The following WWOX variants were observed in gnomAD, a reference collection of about 807,000 sequenced individuals.
WWOX encodes the protein WW domain-containing oxidoreductase.
Under a neutral mutation model 46.2 loss-of-function variants are expected in WWOX, and 69 were observed. The ratio of observed to expected loss-of-function variants is 1.49; its 90% confidence interval spans 1.23 to 1.82. The LOEUF (loss-of-function observed/expected upper bound fraction) is 1.82. Ranked by LOEUF, WWOX falls within the 40% of genes most tolerant of loss-of-function variation. WWOX has a pLI of 0.00. For missense variants in WWOX, 919 were observed against 542.6 expected (o/e 1.69, Z -6.89); for synonymous variants, 359 against 202.6 (o/e 1.77, Z -6.56).
At chr16:78,577,094 G>GA (rs1242271043) in intron 8 of WWOX, among the ~76,000 whole-genome samples, 1 of 152,164 alleles carries the variant, frequency 6.6e-6, no homozygotes, top group South Asian at 2.1e-4. Context: ...ATGAATTGGG[G>GA]AACATTCTTC....
At chr16:78,556,747 G>T (rs918385086) in intron 8 of WWOX, among the ~76,000 whole-genome samples, 11 of 151,946 alleles carry the variant, frequency 7.2e-5, no homozygotes, top group African/African-American at 2.7e-4. Flanking sequence ...ATGGACTTTC[G>T]CTTTTTTGCC....
chr16:78,109,698 G>A (rs1477389507), intron 2 of WWOX, 80 bp from the exon 3 acceptor site: 7 of 1,473,852 alleles, frequency 4.7e-6, no homozygotes, highest in Admixed American at 1.7e-5. Context: ...GCGGGGCTGG[G>A]AGGGCTCCTT....
At chr16:78,507,043 C>T (rs2085226150) in intron 8 of WWOX, among the ~76,000 whole-genome samples, 1 of 152,154 alleles carries the variant, frequency 6.6e-6, no homozygotes, top group African/African-American at 2.4e-5. Context: ...GTGCTGTTGT[C>T]ATAAACCCTG....
chr16:78,940,930 A>C (rs182514976), intron 8 of WWOX, among the ~76,000 whole-genome samples: 1 of 151,712 alleles, frequency 6.6e-6, no homozygotes, highest in African/African-American at 2.4e-5. Flanking sequence ...GATCCCAAGG[A>C]ATTTTCTTCT....
At chr16:78,630,987 T>G (rs2046415352) in intron 8 of WWOX, among the ~76,000 whole-genome samples, 1 of 152,212 alleles carries the variant, frequency 6.6e-6, no homozygotes, top group Non-Finnish European at 1.5e-5. Context: ...TGCTTTTTTT[T>G]GTCATTATTC....
At chr16:78,305,321 A>G (rs2080113554) in intron 5 of WWOX, among the ~76,000 whole-genome samples, 1 of 152,126 alleles carries the variant, frequency 6.6e-6, no homozygotes, top group South Asian at 2.1e-4. Context: ...AGCAAATGCC[A>G]AGTGAGCTGG....
At chr16:78,597,875 G>A (rs990731192) in intron 8 of WWOX, among the ~76,000 whole-genome samples, 6 of 148,886 alleles carry the variant, frequency 4.0e-5, no homozygotes, top group South Asian at 2.1e-4. Flanking sequence ...TATTCCCCTC[G>A]TCAGCATACT....
chr16:78,620,524 G>T (rs151056892), intron 8 of WWOX, among the ~76,000 whole-genome samples: 1 of 152,264 alleles, frequency 6.6e-6, no homozygotes, highest in African/African-American at 2.4e-5. Flanking sequence ...CTCCAGACTA[G>T]ACACTAGATA....
In WWOX at chr16:79,032,233, TATAG is replaced by T. The variant is rs1282434790; in HGVS notation, c.1057-179373_1057-179370del. 2.7e-5 allele frequency among the ~76,000 whole-genome samples: 4 copies of T among 146,374 alleles called. No individual in the cohort carries two copies. The East Asian group carries it at 7.8e-4, about 29-fold the overall frequency. On this transcript the variant is annotated intron_variant, in intron 8 of 8. Coordinates refer to ENST00000566780, the MANE Select transcript of WWOX (RefSeq NM_016373.4). ...ATATACACATATGTATATATGTATGTATAGAGAGTCTATTATATATATTACATAT... is the reference window on the plus strand; with the variant it reads ...ATATACACATATGTATATATGTATGTAGAGTCTATTATATATATTACATAT...
At chr16:79,100,511 A>G (rs2049170288) in intron 8 of WWOX, among the ~76,000 whole-genome samples, 1 of 152,116 alleles carries the variant, frequency 6.6e-6, no homozygotes, top group Admixed American at 6.6e-5. Flanking sequence ...GAAGTAGAAC[A>G]AGACCTCTGA....
intron 8 of WWOX, among the ~76,000 whole-genome samples, chr16:78,560,643 T>C (rs1168435390): frequency 1.3e-5 from 2 of 152,096 alleles, no homozygotes; most frequent in Admixed American, 6.5e-5. Flanking sequence ...AAACTCTGTC[T>C]CAAAAAAATT....
intron 8 of WWOX, among the ~76,000 whole-genome samples, chr16:78,732,595 A>G (rs769773693): frequency 7.2e-5 from 11 of 152,208 alleles, no homozygotes; most frequent in Non-Finnish European, 1.5e-4. Context: ...AGATGTGGTA[A>G]CTGGGCTATG....
chr16:78,812,179 T>A (rs1203194855), intron 8 of WWOX, among the ~76,000 whole-genome samples: 1 of 151,960 alleles, frequency 6.6e-6, no homozygotes, highest in Non-Finnish European at 1.5e-5. Context: ...GTGTCCTAAC[T>A]TGGCACTGTA....
chr16:78,253,568 G>A (rs555921369), intron 5 of WWOX, among the ~76,000 whole-genome samples: 18 of 152,228 alleles, frequency 1.2e-4, no homozygotes, highest in African/African-American at 3.9e-4. Flanking sequence ...TGCTTTGACC[G>A]TCTTCTCATG....
At chr16:79,094,657 G>C (rs2049033639) in intron 8 of WWOX, among the ~76,000 whole-genome samples, 1 of 151,598 alleles carries the variant, frequency 6.6e-6, no homozygotes, top group African/African-American at 2.4e-5. Context: ...TTTTAAGTTA[G>C]CATTTTCTAG....
rs1311190661 is a variant in WWOX at position 78,100,020 on chromosome 16, G to C, written c.107+135G>C. On this transcript the variant is annotated intron_variant, in intron 1 of 8. Coordinates refer to ENST00000566780, the MANE Select transcript of WWOX (RefSeq NM_016373.4). Reference sequence around the variant, plus strand: ...TGAAAGTAACTGTTAAGGAGCTTCAGGGAAAAGGGTCCAGGGTTCCCAGTA... The same window carrying C: ...TGAAAGTAACTGTTAAGGAGCTTCACGGAAAAGGGTCCAGGGTTCCCAGTA... The C allele has an allele frequency of 5.4e-6, 8 of 1,470,646 alleles. 1 individual carries two copies. In the South Asian group the frequency reaches 1.1e-4, roughly 20 times the overall value. The allele number at this position is 1,470,646 out of a possible 1,614,324, so 91.1% of individuals were successfully genotyped here.
At chr16:79,107,901 G>C (rs1295998125) in intron 8 of WWOX, among the ~76,000 whole-genome samples, 1 of 152,122 alleles carries the variant, frequency 6.6e-6, no homozygotes, top group East Asian at 1.9e-4. Flanking sequence ...TCATAACTGG[G>C]GATTTTGGAA....
chr16:78,212,281 A>G (rs2194292), intron 5 of WWOX, among the ~76,000 whole-genome samples: 34,617 of 152,120 alleles, frequency 0.23, 4,308 homozygotes, highest in East Asian at 0.32. Flanking sequence ...AGGCTGATCA[A>G]TCTAGGCTGG....
At position 78,173,515 on chromosome 16, in the gene WWOX, C is replaced by T. The variant is rs941382801; in HGVS notation, c.516+9226C>T. 2.0e-5 allele frequency among the ~76,000 whole-genome samples: 3 copies of T among 148,262 alleles called. No individual in the cohort carries two copies. In the East Asian group the frequency reaches 6.0e-4, roughly 30 times the overall value. ...GCTTCACCACGTTGCCCAGGCTAGT[C>T]TCGAATTCCTCTGCTCAGGCGATCC... On this transcript the variant is annotated intron_variant, in intron 5 of 8. Transcript: ENST00000566780.
Sources: allele counts gnomAD v4.1 joint callset (sites outside exome capture counted in the v4.1 genomes callset), GRCh38; gene constraint gnomAD v4.1.1; transcripts MANE v1.5; gene names NCBI Gene and HGNC (gene_info 2026-07-23, HGNC 2026-07-21).